The following KSR2 variants were observed in gnomAD, a reference collection of about 807,000 sequenced individuals.
The protein encoded by KSR2 is kinase suppressor of ras 2.
KSR2 carries 25 observed loss-of-function variants against 107.8 expected under a neutral mutation model. The ratio of observed to expected loss-of-function variants is 0.23; its 90% CI spans 0.17 to 0.32. The LOEUF (loss-of-function observed/expected upper bound fraction) is 0.32, where lower values mean the gene tolerates loss of function less well. Ranked by LOEUF, KSR2 falls within the 10% of genes least tolerant of loss-of-function variation. KSR2 has a pLI of 1.00. For synonymous variants in KSR2, 480 were observed against 507.0 expected (o/e 0.95, Z 0.71); for missense variants, 887 against 1,268.9 (o/e 0.70, Z 4.57).
rs958806654 is a variant in KSR2, at chr12:117,826,839, A to G, written c.472+28589T>C. Among the ~76,000 whole-genome samples, 17 of 151,984 alleles carry G rather than the reference A, an allele frequency of 1.1e-4. No individual in the cohort carries two copies. The East Asian group carries it at 2.5e-3, about 22-fold the overall frequency. On this transcript the variant is annotated intron_variant, in intron 3 of 19. Transcript: ENST00000339824. ...GTGGCTCATGCCTGTAATCCCAGCA[A>G]TTTGGGAGGCCAAGGTGGGCAGATC...
At chr12:117,876,168 TC>T (rs879818111) in intron 1 of KSR2, among the ~76,000 whole-genome samples, 2 of 152,152 alleles carry the variant, frequency 1.3e-5, no homozygotes, top group Non-Finnish European at 2.9e-5. Context: ...CCCGACGCCT[TC>T]CCGCCGTTGC....
chr12:117,915,237 G>C (rs995227579), intron 1 of KSR2, among the ~76,000 whole-genome samples: 1 of 152,192 alleles, frequency 6.6e-6, no homozygotes, highest in Admixed American at 6.5e-5. Flanking sequence ...CTGAGATCAG[G>C]GGCCAGCAGG....
chr12:117,802,604 G>C (rs1388589228), intron 3 of KSR2, among the ~76,000 whole-genome samples: 1 of 152,198 alleles, frequency 6.6e-6, no homozygotes, highest in African/African-American at 2.4e-5. Flanking sequence ...TCTGGGGTTT[G>C]TCTGAGGATG....
intron 7 of KSR2, among the ~76,000 whole-genome samples, chr12:117,560,944 C>A (rs1878074118): frequency 1.3e-5 from 2 of 152,178 alleles, no homozygotes; most frequent in South Asian, 2.1e-4. Flanking sequence ...ACTTGTACAG[C>A]CTGCAGAACC....
intron 1 of KSR2, among the ~76,000 whole-genome samples, chr12:117,864,174 G>A (rs1044995644): frequency 6.6e-6 from 1 of 152,080 alleles, no homozygotes; most frequent in Non-Finnish European, 1.5e-5. Flanking sequence ...AGAGGTCAGG[G>A]CCCCATGAGA....
intron 5 of KSR2, 139 bp from the exon 6 acceptor site, chr12:117,582,498 T>C (rs1879729854): frequency 8.9e-6 from 6 of 676,850 alleles, no homozygotes; most frequent in South Asian, 8.7e-5. Context: ...CAAAGCCAAG[T>C]GGAACACTGG....
intron 5 of KSR2, among the ~76,000 whole-genome samples, chr12:117,653,976 A>G (rs1235826121): frequency 2.0e-5 from 3 of 152,132 alleles, no homozygotes; most frequent in Non-Finnish European, 4.4e-5. Context: ...CTGTTTGGAG[A>G]CTTTGGCAGG....
chr12:117,942,594 T>G (rs902659093), intron 1 of KSR2, among the ~76,000 whole-genome samples: 16 of 150,056 alleles, frequency 1.1e-4, no homozygotes, highest in Admixed American at 2.7e-4. Context: ...GCTCAAGCAA[T>G]CCTCCCACTT....
At chr12:117,739,971 T>G (rs1170377425) in intron 4 of KSR2, among the ~76,000 whole-genome samples, 1 of 151,902 alleles carries the variant, frequency 6.6e-6, no homozygotes, top group South Asian at 2.1e-4. Flanking sequence ...ACAGGTGGTG[T>G]TTGGTTACAT....
At chr12:117,629,732 T>A (rs1248557920) in intron 5 of KSR2, among the ~76,000 whole-genome samples, 1 of 152,214 alleles carries the variant, frequency 6.6e-6, no homozygotes, top group Admixed American at 6.5e-5. Context: ...TCAACAACTC[T>A]TGGAATTGTC....
At chr12:117,605,538 T>C (rs1251074115) in intron 5 of KSR2, among the ~76,000 whole-genome samples, 1 of 152,200 alleles carries the variant, frequency 6.6e-6, no homozygotes, top group Non-Finnish European at 1.5e-5. Context: ...CCTAATGTTC[T>C]CTCTGCTTCC....
intron 5 of KSR2, among the ~76,000 whole-genome samples, chr12:117,647,636 G>A (rs1883710767): frequency 6.6e-6 from 1 of 152,114 alleles, no homozygotes; most frequent in Non-Finnish European, 1.5e-5. Flanking sequence ...GGGAGAACAG[G>A]CTTTTGTGGC....
intron 7 of KSR2, among the ~76,000 whole-genome samples, chr12:117,574,193 GT>G (rs60267170): frequency 0.058 from 8,198 of 140,272 alleles, 341 homozygotes; most frequent in South Asian, 0.23. Flanking sequence ...CCAGAAAACT[GT>G]TTTTTTTTTT....
intron 7 of KSR2, among the ~76,000 whole-genome samples, chr12:117,562,667 ACCTTGGCCTGTTTCCTGCTCTCCT>A (rs1878202861): frequency 1.3e-5 from 2 of 152,034 alleles, no homozygotes; most frequent in Non-Finnish European, 2.9e-5. Flanking sequence ...GCTGCTCATG[ACCTTGGCCTGTTTCCTGCTCTCCT>A]CCTTGGCAAT....
At position 117,524,902 on chromosome 12, in the gene KSR2, C is replaced by A. The variant is rs1202412140; in HGVS notation, c.2169G>T (p.Val723=). 6.2e-7 allele frequency: 1 copy of A among 1,613,692 alleles called. No homozygotes were observed. The highest frequency in any genetic ancestry group is 1.1e-5 in the South Asian group (1 of 91,034). The part of the protein sequence containing the change: ...AYRQTRHENV[V]LFMGACMSPP... ...GGCTCATGCAGGCACCCATGAAAAG[C>A]ACCACGTTCTCATGCCGTGTCTGCC... Residue 723 remains valine, a synonymous_variant, in exon 14 of 20, where the codon GTG becomes GTT. Coordinates refer to ENST00000339824, the MANE Select transcript of KSR2 (RefSeq NM_173598.6).
chr12:117,914,047 T>C (rs527888203), intron 1 of KSR2, among the ~76,000 whole-genome samples: 5 of 152,260 alleles, frequency 3.3e-5, no homozygotes, highest in Admixed American at 2.0e-4. Context: ...ATGGAAACAG[T>C]ATACCTACCC....
chr12:117,898,219 G>A (rs1204396332), intron 1 of KSR2, among the ~76,000 whole-genome samples: 1 of 152,108 alleles, frequency 6.6e-6, no homozygotes, highest in Non-Finnish European at 1.5e-5. Flanking sequence ...AGAGTTAAAT[G>A]CAATCACATT....
chr12:117,820,158 C>T (rs1891513950), intron 3 of KSR2, among the ~76,000 whole-genome samples: 1 of 152,090 alleles, frequency 6.6e-6, no homozygotes, highest in Admixed American at 6.5e-5. Context: ...AACTAGAAGA[C>T]AGCTAAGGGT....
At chr12:117,913,377 C>A (rs1043892973) in intron 1 of KSR2, among the ~76,000 whole-genome samples, 1 of 152,142 alleles carries the variant, frequency 6.6e-6, no homozygotes. Context: ...ACATATCTAA[C>A]CTCTCCCCCT....
Sources: gnomAD v4.1 joint callset for allele counts (sites outside exome capture counted in the v4.1 genomes callset) on GRCh38, gnomAD v4.1.1 for gene constraint, MANE v1.5 for transcripts, NCBI Gene and HGNC (gene_info 2026-07-23, HGNC 2026-07-21) for gene names.